The following CHST11 variants were observed in gnomAD, a reference collection of about 807,000 sequenced individuals.
The protein encoded by CHST11 is carbohydrate sulfotransferase 11, also known as C4S-1.
Under a neutral mutation model 30.4 loss-of-function variants are expected in CHST11, and 9 were observed. That is an observed-to-expected ratio of 0.30 (90% CI 0.18 to 0.52). The LOEUF is 0.52. Ranked by LOEUF, CHST11 falls within the 20% of genes least tolerant of loss-of-function variation. The pLI is 0.97. For missense variants in CHST11, 348 were observed against 460.6 expected (o/e 0.76, Z 2.24); for synonymous variants, 152 against 187.8 (o/e 0.81, Z 1.56).
chr12:104,532,480 G>A (rs567862555), intron 1 of CHST11, among the ~76,000 whole-genome samples: 5 of 152,162 alleles, frequency 3.3e-5, no homozygotes, highest in South Asian at 4.1e-4. Flanking sequence ...GGAACAGTCC[G>A]ATGCAGAGGT....
At chr12:104,753,498 G>A (rs2040451078) in intron 2 of CHST11, among the ~76,000 whole-genome samples, 1 of 152,208 alleles carries the variant, frequency 6.6e-6, no homozygotes, top group African/African-American at 2.4e-5. Context: ...CTTGGCATAT[G>A]CCTAGTGTCA....
At chr12:104,728,457 AC>A (rs200641165) in intron 2 of CHST11, among the ~76,000 whole-genome samples, 7,416 of 150,848 alleles carry the variant, frequency 0.049, 623 homozygotes, top group East Asian at 0.33. Context: ...TTAAAAAAAA[AC>A]AAAAACTGAG....
intron 2 of CHST11, among the ~76,000 whole-genome samples, chr12:104,637,842 C>T (rs1025234784): frequency 6.6e-6 from 1 of 152,220 alleles, no homozygotes; most frequent in African/African-American, 2.4e-5. Flanking sequence ...TGATCATCTC[C>T]TCCCTTCTCC....
intron 1 of CHST11, among the ~76,000 whole-genome samples, chr12:104,571,956 C>A (rs2038630485): frequency 6.6e-6 from 1 of 152,208 alleles, no homozygotes; most frequent in African/African-American, 2.4e-5. Context: ...GCCTTTTCTG[C>A]ATCTATTCAG....
At chr12:104,465,096 C>T (rs774127033) in intron 1 of CHST11, among the ~76,000 whole-genome samples, 2 of 152,146 alleles carry the variant, frequency 1.3e-5, no homozygotes, top group Non-Finnish European at 2.9e-5. Context: ...CTTCTGAGGC[C>T]ACCTCTGTAA....
chr12:104,470,553 A>G (rs1289063386), intron 1 of CHST11, among the ~76,000 whole-genome samples: 2 of 152,242 alleles, frequency 1.3e-5, no homozygotes, highest in Non-Finnish European at 2.9e-5. Flanking sequence ...AACCATATCA[A>G]ACCCTTATTT....
intron 2 of CHST11, among the ~76,000 whole-genome samples, chr12:104,700,557 TG>T (rs1364239072): frequency 6.6e-6 from 1 of 152,190 alleles, no homozygotes; most frequent in African/African-American, 2.4e-5. Context: ...ATCTGTAAAA[TG>T]GGGATAATAC....
At chr12:104,670,820 CACAT>C (rs2039688844) in intron 2 of CHST11, among the ~76,000 whole-genome samples, 1 of 151,224 alleles carries the variant, frequency 6.6e-6, no homozygotes. Flanking sequence ...CACACACCCA[CACAT>C]ACATTCTCAC....
At chr12:104,652,446 C>T (rs1160391093) in intron 2 of CHST11, among the ~76,000 whole-genome samples, 7 of 152,174 alleles carry the variant, frequency 4.6e-5, no homozygotes, top group African/African-American at 1.4e-4. Flanking sequence ...GGTGAGGAGA[C>T]AGTCACGGGA....
At chr12:104,693,146 T>A (rs1398521839) in intron 2 of CHST11, among the ~76,000 whole-genome samples, 1 of 152,032 alleles carries the variant, frequency 6.6e-6, no homozygotes, top group Non-Finnish European at 1.5e-5. Flanking sequence ...AGGACATCAA[T>A]CAGATTGGAT....
At chr12:104,566,693 T>G (rs533002038) in intron 1 of CHST11, among the ~76,000 whole-genome samples, 1 of 152,294 alleles carries the variant, frequency 6.6e-6, no homozygotes, top group East Asian at 1.9e-4. Flanking sequence ...TCAGAATGTT[T>G]GAAAGAATAG....
At chr12:104,741,432 A>G (rs1388633299) in intron 2 of CHST11, among the ~76,000 whole-genome samples, 1 of 152,238 alleles carries the variant, frequency 6.6e-6, no homozygotes, top group East Asian at 1.9e-4. Flanking sequence ...CCTTTGGAAC[A>G]ATGGAGAAAT....
In CHST11 at chr12:104,522,361, T is replaced by A. The variant is rs374360458; in HGVS notation, c.118+64832T>A. Reference sequence around the variant, plus strand: ...ATGTTGTAAGGATTACATGAGATTGTATGGTGTGTAGGATACACCTCACTT... The same window carrying A: ...ATGTTGTAAGGATTACATGAGATTGAATGGTGTGTAGGATACACCTCACTT... On this transcript the variant is annotated intron_variant, in intron 1 of 2. Coordinates refer to ENST00000303694, the MANE Select transcript of CHST11 (RefSeq NM_018413.6). Among the ~76,000 whole-genome samples the A allele has an allele frequency of 6.6e-5, 10 of 152,366 alleles. No individual in the cohort carries two copies. In the South Asian group the frequency reaches 2.1e-3, roughly 32 times the overall value.
chr12:104,564,003 A>G (rs1355182614), intron 1 of CHST11, among the ~76,000 whole-genome samples: 1 of 152,076 alleles, frequency 6.6e-6, no homozygotes, highest in Non-Finnish European at 1.5e-5. Flanking sequence ...TTCCTGGGAC[A>G]GTTATTTGAG....
chr12:104,710,748 T>TC (rs1181511910), intron 2 of CHST11, among the ~76,000 whole-genome samples: 1 of 152,146 alleles, frequency 6.6e-6, no homozygotes, highest in Non-Finnish European at 1.5e-5. Context: ...TGATTTAACC[T>TC]CCCCTCTTCT....
rs1291315748 is a variant in CHST11, at chr12:104,656,941, A to G, written c.204+54950A>G. ...TCAGAAGTTTCAATGTTTCTAAGAT[A>G]TGGTGTTCCTTACAAAGGCACAGCA... On this transcript the variant is annotated intron_variant, in intron 2 of 2. Coordinates refer to ENST00000303694, the MANE Select transcript of CHST11 (RefSeq NM_018413.6). 2.0e-5 allele frequency among the ~76,000 whole-genome samples: 3 copies of G among 152,056 alleles called. No individual in the cohort carries two copies. The East Asian group carries it at 5.8e-4, about 29-fold the overall frequency.
intron 1 of CHST11, among the ~76,000 whole-genome samples, chr12:104,577,811 C>A (rs2093118943): frequency 6.6e-6 from 1 of 152,128 alleles, no homozygotes; most frequent in Non-Finnish European, 1.5e-5. Context: ...GGTTGAGAAC[C>A]AAACAAATGG....
intron 1 of CHST11, among the ~76,000 whole-genome samples, chr12:104,561,975 G>A (rs1033826364): frequency 1.3e-5 from 2 of 152,032 alleles, no homozygotes; most frequent in African/African-American, 4.8e-5. Flanking sequence ...TTGGAACTTG[G>A]GAATGCTGGA....
intron 2 of CHST11, among the ~76,000 whole-genome samples, chr12:104,666,387 T>G (rs533218273): frequency 3.3e-5 from 5 of 152,280 alleles, no homozygotes; most frequent in South Asian, 2.1e-4. Flanking sequence ...TACAGAAGAT[T>G]GGGGTTATTG....
Sources: gnomAD v4.1 joint callset for allele counts (sites outside exome capture counted in the v4.1 genomes callset) on GRCh38, gnomAD v4.1.1 for gene constraint, MANE v1.5 for transcripts, NCBI Gene and HGNC (gene_info 2026-07-23, HGNC 2026-07-21) for gene names.